The following DAGLB variants were observed in gnomAD, a reference collection of about 807,000 sequenced individuals.
DAGLB encodes the protein diacylglycerol lipase beta.
DAGLB carries 66 observed loss-of-function variants against 72.1 expected under a neutral mutation model. That is an observed-to-expected ratio of 0.92 (90% CI 0.75 to 1.12). DAGLB has a LOEUF of 1.12. DAGLB is among the 50% of genes most tolerant of loss of function. The probability of loss-of-function intolerance (pLI) is 0.00; values close to 1 mark genes in which losing one functional copy is unlikely to be tolerated. For missense variants in DAGLB, 1,065 were observed against 884.9 expected (o/e 1.20, Z -2.58); for synonymous variants, 414 against 359.5 (o/e 1.15, Z -1.71).
chr7:6,431,200 T>G (rs375127159), intron 5 of DAGLB, among the ~76,000 whole-genome samples: 7 of 151,986 alleles, frequency 4.6e-5, no homozygotes, highest in African/African-American at 1.7e-4. Flanking sequence ...CTGAAACTAG[T>G]ACATTTCCAT....
chr7:6,422,283 C>A (rs12532493), intron 8 of DAGLB: 49,782 of 288,488 alleles, frequency 0.17, 4,912 homozygotes, highest in East Asian at 0.22. Context: ...GGTGACGCCA[C>A]AGCCAGACCC....
At chr7:6,417,115 GC>G (rs1583283185) in intron 9 of DAGLB, 194 bp from the exon 10 acceptor site, 2 of 621,128 alleles carry the variant, frequency 3.2e-6, no homozygotes, top group East Asian at 5.9e-5. Flanking sequence ...TGAAGCAGGT[GC>G]CAGGTGTGGT....
intron 2 of DAGLB, among the ~76,000 whole-genome samples, chr7:6,444,963 T>G (rs1351938166): frequency 4.0e-5 from 6 of 151,534 alleles, no homozygotes; most frequent in Non-Finnish European, 8.8e-5. Flanking sequence ...TCACATTCAC[T>G]AGGATGGCTA....
Position 6,430,465 on chromosome 7 carries a change from A to G in DAGLB, c.929+15T>C. On this transcript the variant is annotated intron_variant, in intron 6 of 14. Coordinates refer to ENST00000297056, the MANE Select transcript of DAGLB (RefSeq NM_139179.4). Reference sequence around the variant, plus strand: ...GGGAAATATGGCTATGGAGGCTCAGACTGTGCCAACCCACCAGTCACCACC... The same window carrying G: ...GGGAAATATGGCTATGGAGGCTCAGGCTGTGCCAACCCACCAGTCACCACC... The G allele has an allele frequency of 6.7e-7, 1 of 1,502,564 alleles. No individual in the cohort carries two copies. The highest frequency in any genetic ancestry group is 9.0e-7 in the Non-Finnish European group (1 of 1,116,930). The allele number at this position is 1,502,564 out of a possible 1,614,324, so 93.1% of individuals were successfully genotyped here.
intron 9 of DAGLB, among the ~76,000 whole-genome samples, chr7:6,421,067 C>G (rs1369118807): frequency 6.6e-6 from 1 of 152,210 alleles, no homozygotes; most frequent in Admixed American, 6.5e-5. Flanking sequence ...CTCTGGGAGG[C>G]TGAGGCAGGA....
chr7:6,433,312 A>G (rs1337155971), intron 4 of DAGLB, among the ~76,000 whole-genome samples: 1 of 152,208 alleles, frequency 6.6e-6, no homozygotes, highest in Non-Finnish European at 1.5e-5. Flanking sequence ...ATTTTAGCCC[A>G]CGTTTATACT....
intron 9 of DAGLB, among the ~76,000 whole-genome samples, chr7:6,421,308 CAGGCAGCGCGGGAG>C (rs1410590813): frequency 1.7e-4 from 6 of 34,600 alleles, no homozygotes; most frequent in African/African-American, 1.6e-3. Flanking sequence ...CTGTGAGAAT[CAGGCAGCGCGGGAG>C]GCGCAGGCAG....
intron 2 of DAGLB, among the ~76,000 whole-genome samples, chr7:6,443,190 A>G (rs565293409): frequency 1.4e-5 from 2 of 143,212 alleles, no homozygotes; most frequent in East Asian, 2.0e-4. Context: ...CTCCATCCGG[A>G]AAAAAAAAAC....
At chr7:6,424,693 C>T (rs1014581027) in intron 8 of DAGLB, 59 bp downstream of exon 8, 1 of 1,536,574 alleles carries the variant, frequency 6.5e-7, no homozygotes, top group East Asian at 2.2e-5. Context: ...AGCCGAGCAG[C>T]TGTGGGCTCC....
At chr7:6,423,015 G>A (rs836518) in intron 8 of DAGLB, among the ~76,000 whole-genome samples, 58,488 of 152,136 alleles carry the variant, frequency 0.38, 14,686 homozygotes, top group African/African-American at 0.69. Flanking sequence ...ATGGACAGAC[G>A]CTGAGGTGAG....
intron 6 of DAGLB, among the ~76,000 whole-genome samples, chr7:6,426,851 G>A (rs995559990): frequency 6.6e-6 from 1 of 152,212 alleles, no homozygotes; most frequent in African/African-American, 2.4e-5. Context: ...GCTGATGCCT[G>A]TAATCCGGCA....
intron 2 of DAGLB, among the ~76,000 whole-genome samples, chr7:6,437,911 G>A (rs1464525929): frequency 1.3e-5 from 2 of 152,056 alleles, no homozygotes; most frequent in Admixed American, 1.3e-4. Context: ...CAAAGTGCTG[G>A]GATTACAGGC....
intron 5 of DAGLB, among the ~76,000 whole-genome samples, chr7:6,432,217 T>C (rs900381631): frequency 2.0e-5 from 3 of 152,020 alleles, no homozygotes; most frequent in Admixed American, 1.3e-4. Context: ...CTGAGTGTGA[T>C]GGTATGCGCC....
intron 5 of DAGLB, among the ~76,000 whole-genome samples, chr7:6,431,946 A>C (rs1784499359): frequency 6.6e-6 from 1 of 152,166 alleles, no homozygotes; most frequent in Non-Finnish European, 1.5e-5. Context: ...GTAGGGTCCT[A>C]GGCTTAGTAC....
rs73676732 is a variant in DAGLB at position 6,410,432 on chromosome 7, G to C, written c.1570-52C>G. 24 of 1,544,732 alleles carry C rather than the reference G, an allele frequency of 1.6e-5. No homozygotes were observed. In the African/African-American group the frequency reaches 3.0e-4, roughly 19 times the overall value. ...TGCTGTCACTCACCCTCTGTCACCCGAGACCTCCCGAAACACCAAGGCGGA... is the reference window on the plus strand; with the variant it reads ...TGCTGTCACTCACCCTCTGTCACCCCAGACCTCCCGAAACACCAAGGCGGA... On this transcript the variant is annotated intron_variant, in intron 13 of 14. Coordinates refer to ENST00000297056, the MANE Select transcript of DAGLB (RefSeq NM_139179.4).
rs372550690 is a variant in DAGLB, at chr7:6,434,755, G to A, written c.678+7C>T. On this transcript the variant is annotated splice_region_variant and intron_variant, in intron 4 of 14. Transcript: ENST00000297056. ...GAAACAGACCAAACCAGATCCCCTC[G>A]GCTTACTGAAAAGTAGGTTGAGAAA... is the stretch of plus-strand genomic sequence containing the variant. The A allele has an allele frequency of 5.6e-5, 91 of 1,613,812 alleles. No individual in the cohort carries two copies. The highest frequency in any genetic ancestry group is 6.8e-5 in the Non-Finnish European group (80 of 1,179,900).
chr7:6,441,585 T>A (rs1784835599), intron 2 of DAGLB, among the ~76,000 whole-genome samples: 1 of 149,902 alleles, frequency 6.7e-6, no homozygotes, highest in Non-Finnish European at 1.5e-5. Context: ...GCCCAGCTAA[T>A]TTTTTGTATT....
At chr7:6,411,057 TG>T (rs1339276614) in intron 13 of DAGLB, among the ~76,000 whole-genome samples, 1 of 151,994 alleles carries the variant, frequency 6.6e-6, no homozygotes, top group Non-Finnish European at 1.5e-5. Context: ...GCTAATTTTT[TG>T]TATTTTTAAT....
chr7:6,422,304 G>A (rs1251722258), intron 8 of DAGLB: 1 of 277,248 alleles, frequency 3.6e-6, no homozygotes, highest in Non-Finnish European at 7.3e-6. Flanking sequence ...GAAGGAAGAG[G>A]TTGTTGTGAA....
Sources: allele counts gnomAD v4.1 joint callset (sites outside exome capture counted in the v4.1 genomes callset), GRCh38; gene constraint gnomAD v4.1.1; transcripts MANE v1.5; gene names NCBI Gene and HGNC (gene_info 2026-07-23, HGNC 2026-07-21).